Variants in ADARB2 observed in about 807,000 individuals in gnomAD.
ADARB2 encodes inactive double-stranded RNA-specific editase B2.
Under a neutral mutation model 62.2 loss-of-function variants are expected in ADARB2, and 25 were observed. The observed-to-expected ratio is 0.40, with a 90% CI of 0.29 to 0.56. The LOEUF (loss-of-function observed/expected upper bound fraction) is 0.56, where lower values mean the gene tolerates loss of function less well. Among genes scored for constraint, ADARB2 ranks in the 20% least tolerant of loss-of-function variants. The pLI is 0.43. For synonymous variants in ADARB2, 572 were observed against 500.8 expected, an observed-to-expected ratio of 1.14 and a Z score of -1.90; for missense variants, 1,071 against 1,077.4, an observed-to-expected ratio of 0.99 and a Z score of 0.08.
At chr10:1,296,384 TA>T (rs1368991181) in intron 3 of ADARB2, among the ~76,000 whole-genome samples, 1 of 152,198 alleles carries the variant, frequency 6.6e-6, no homozygotes, top group Non-Finnish European at 1.5e-5. Flanking sequence ...TCTCTCACAG[TA>T]GAGATGCTGC....
At chr10:1,531,621 A>G (rs1832241435) in intron 1 of ADARB2, among the ~76,000 whole-genome samples, 1 of 152,078 alleles carries the variant, frequency 6.6e-6, no homozygotes, top group Admixed American at 6.5e-5. Flanking sequence ...GGTGGATCAC[A>G]AGGTTTGGAG....
intron 1 of ADARB2, among the ~76,000 whole-genome samples, chr10:1,422,751 T>C (rs991427980): frequency 2.6e-5 from 4 of 152,210 alleles, no homozygotes; most frequent in African/African-American, 9.6e-5. Context: ...TCACCAAGCA[T>C]AGGCTGTATA....
chr10:1,731,686 G>C (rs1212510184), intron 1 of ADARB2, among the ~76,000 whole-genome samples: 1 of 152,156 alleles, frequency 6.6e-6, no homozygotes, highest in Non-Finnish European at 1.5e-5. Context: ...GGTTAATTTA[G>C]TTTCATTCTA....
chr10:1,535,349 G>A (rs1282247205), intron 1 of ADARB2, among the ~76,000 whole-genome samples: 4 of 152,010 alleles, frequency 2.6e-5, no homozygotes, highest in East Asian at 3.9e-4. Context: ...ATGAGCATTC[G>A]GCAATACCTC....
chr10:1,684,361 T>C (rs983397355), intron 1 of ADARB2, among the ~76,000 whole-genome samples: 1 of 152,178 alleles, frequency 6.6e-6, no homozygotes, highest in African/African-American at 2.4e-5. Context: ...CAGAGAAACA[T>C]AGAATGTGAA....
chr10:1,271,663 C>T (rs371530626), intron 3 of ADARB2, among the ~76,000 whole-genome samples: 112 of 152,344 alleles, frequency 7.4e-4, no homozygotes, highest in African/African-American at 2.5e-3. Context: ...TACACATACA[C>T]GTGTGCCCCT....
chr10:1,613,270 G>C (rs996686417), intron 1 of ADARB2, among the ~76,000 whole-genome samples: 1 of 152,200 alleles, frequency 6.6e-6, no homozygotes, highest in Non-Finnish European at 1.5e-5. Context: ...TGAAATGTGT[G>C]TCTTGTGTGG....
rs966832286 is a variant in ADARB2 at position 1,398,373 on chromosome 10, T to C, written c.101-19213A>G. 7.2e-5 allele frequency among the ~76,000 whole-genome samples: 11 copies of C among 152,252 alleles called. No homozygotes were observed. The highest frequency in any genetic ancestry group is 1.6e-4 in the Non-Finnish European group (11 of 68,046). ...GGCACTGACACGGGGTGAAAGACCA[T>C]GAGCGCTCCTCGGGACATCTGGCCT... On this transcript the variant is annotated intron_variant, in intron 1 of 9. Coordinates refer to ENST00000381312, the MANE Select transcript of ADARB2 (RefSeq NM_018702.4). This position sits in a 1 kb window ranked among gnomAD's most constrained non-coding sequence, Gnocchi z 4.1.
intron 1 of ADARB2, among the ~76,000 whole-genome samples, chr10:1,673,032 G>A (rs1215097141): frequency 1.3e-5 from 2 of 152,144 alleles, no homozygotes; most frequent in Admixed American, 6.5e-5. Flanking sequence ...GAACTGAGGC[G>A]TCTGTTTCTG....
intron 1 of ADARB2, among the ~76,000 whole-genome samples, chr10:1,642,202 A>G (rs1374995493): frequency 6.6e-6 from 1 of 152,186 alleles, no homozygotes; most frequent in African/African-American, 2.4e-5. Flanking sequence ...TGAGGTCATA[A>G]ACTTCAAAAG....
At chr10:1,348,522 C>T (rs1027014289) in intron 3 of ADARB2, among the ~76,000 whole-genome samples, 65 of 152,304 alleles carry the variant, frequency 4.3e-4, no homozygotes, top group African/African-American at 1.3e-3. Flanking sequence ...GGCCCTTGGC[C>T]GGGAGGTGCC....
chr10:1,719,894 G>T (rs1287773394), intron 1 of ADARB2, among the ~76,000 whole-genome samples: 4 of 152,162 alleles, frequency 2.6e-5, no homozygotes, highest in African/African-American at 7.2e-5. Context: ...GAAGGTATCA[G>T]ATGCTGGCAA....
intron 3 of ADARB2, among the ~76,000 whole-genome samples, chr10:1,279,939 C>G (rs1398156174): frequency 1.3e-5 from 2 of 152,174 alleles, no homozygotes; most frequent in Non-Finnish European, 2.9e-5. Flanking sequence ...GACTTCACAC[C>G]TTAGTGCTGA....
At chr10:1,437,206 A>G (rs556947131) in intron 1 of ADARB2, among the ~76,000 whole-genome samples, 6 of 152,302 alleles carry the variant, frequency 3.9e-5, no homozygotes, top group Admixed American at 1.3e-4. Flanking sequence ...TCTTCCAAAA[A>G]TAATTTGGTA....
chr10:1,220,030 G>A (rs980356288), intron 6 of ADARB2, among the ~76,000 whole-genome samples: 11 of 142,498 alleles, frequency 7.7e-5, no homozygotes, highest in Non-Finnish European at 1.7e-4. Flanking sequence ...GATGATGGTG[G>A]TGATGATGGT....
At chr10:1,516,475 T>G (rs1832010334) in intron 1 of ADARB2, among the ~76,000 whole-genome samples, 1 of 152,006 alleles carries the variant, frequency 6.6e-6, no homozygotes, top group Admixed American at 6.6e-5. Flanking sequence ...GCGGGCTTTG[T>G]GTGGGCTGCT....
intron 3 of ADARB2, among the ~76,000 whole-genome samples, chr10:1,287,335 G>A (rs976187428): frequency 6.6e-6 from 1 of 152,194 alleles, no homozygotes; most frequent in African/African-American, 2.4e-5. Context: ...CACATTGTGG[G>A]ATGATCATAT....
In ADARB2 at chr10:1,332,476, G is replaced by GTTTTTT. The variant is rs759566790; in HGVS notation, c.1077+30551_1077+30552insAAAAAA. Among the ~76,000 whole-genome samples, 257 of 130,264 alleles carry GTTTTTT rather than the reference G, an allele frequency of 2.0e-3. 28 individuals carry two copies. Among genetic ancestry groups the GTTTTTT allele is most frequent in the Non-Finnish European group, 2.9e-3 (187 of 63,580 alleles). The allele number at this position is 130,264 out of a possible 152,430, so 85.5% of individuals were successfully genotyped here. On this transcript the variant is annotated intron_variant, in intron 3 of 9. Coordinates refer to ENST00000381312, the MANE Select transcript of ADARB2 (RefSeq NM_018702.4). ...TAGATAGACTGGCTAACTAGCATCAGTTTTGTTTTTTTTTTTTTTGCCATC... is the reference window on the plus strand; with the variant it reads ...TAGATAGACTGGCTAACTAGCATCAGTTTTTTTTTTGTTTTTTTTTTTTTTGCCATC...
intron 3 of ADARB2, among the ~76,000 whole-genome samples, chr10:1,343,226 A>G (rs1832046209): frequency 6.6e-6 from 1 of 152,232 alleles, no homozygotes; most frequent in Non-Finnish European, 1.5e-5. Context: ...CACCTCTCAA[A>G]AGAAGACATC....
Sources: allele counts gnomAD v4.1 joint callset (sites outside exome capture counted in the v4.1 genomes callset), GRCh38; gene constraint gnomAD v4.1.1; non-coding constraint Gnocchi (gnomAD v3.1); transcripts MANE v1.5; gene names NCBI Gene and HGNC (gene_info 2026-07-23, HGNC 2026-07-21).